Variants in MACROD2 observed in about 807,000 individuals in gnomAD.
MACROD2 encodes ADP-ribose glycohydrolase MACROD2.
In MACROD2, 36 loss-of-function variants were observed where a neutral mutation model predicts 70.4. The observed-to-expected ratio is 0.51, with a 90% confidence interval of 0.39 to 0.68. The LOEUF (loss-of-function observed/expected upper bound fraction) is 0.68, where lower values mean the gene tolerates loss of function less well. Among genes scored for constraint, MACROD2 ranks in the 30% least tolerant of loss-of-function variants. The probability of loss-of-function intolerance (pLI) is 0.00; values close to 1 mark genes in which losing one functional copy is unlikely to be tolerated. For missense variants in MACROD2, 496 were observed against 538.4 expected, an observed-to-expected ratio of 0.92 and a Z score of 0.78; for synonymous variants, 172 against 178.8, an observed-to-expected ratio of 0.96 and a Z score of 0.30.
At chr20:15,775,619 G>T (rs553013895) in intron 8 of MACROD2, among the ~76,000 whole-genome samples, 1 of 152,046 alleles carries the variant, frequency 6.6e-6, no homozygotes, top group Admixed American at 6.6e-5. Context: ...TTTATTTTCC[G>T]TTTACATATG....
chr20:13,995,852 T>TGG lies in MACROD2; in HGVS notation c.46+43_46+44insGG. The TGG allele has an allele frequency of 3.8e-6, 3 of 782,412 alleles. No individual in the cohort carries two copies. Among genetic ancestry groups the TGG allele is most frequent in the Non-Finnish European group, 6.0e-6 (3 of 496,722 alleles). 48.5% of individuals were successfully genotyped at this position (782,412 alleles called of 1,614,324 possible). ...TCCTGGGGGTGCGGGCGGTGGGGGT[T>TGG]AGGGTGGGGGCGGGGGTCAGGCTGT... On this transcript the variant is annotated intron_variant, in intron 1 of 17. Transcript: ENST00000684519. The surrounding 1 kb of genome is among the most constrained non-coding windows in gnomAD (Gnocchi z 4.3).
chr20:15,891,014 G>A (rs1601067959), intron 10 of MACROD2, among the ~76,000 whole-genome samples: 4 of 152,242 alleles, frequency 2.6e-5, no homozygotes, highest in Admixed American at 2.6e-4. Context: ...TATGTTCTTG[G>A]GGATGAGGTG....
At chr20:14,638,459 G>C (rs1984904511) in intron 4 of MACROD2, among the ~76,000 whole-genome samples, 1 of 152,016 alleles carries the variant, frequency 6.6e-6, no homozygotes, top group African/African-American at 2.4e-5. Context: ...GATAGGCCTC[G>C]ACAGGATTAT....
chr20:15,257,568 C>G (rs544834696), intron 6 of MACROD2, among the ~76,000 whole-genome samples: 1 of 151,968 alleles, frequency 6.6e-6, no homozygotes, highest in East Asian at 1.9e-4. Context: ...ATTGATGGTC[C>G]CATGGGATCA....
At chr20:15,127,893 C>A (rs947782872) in intron 5 of MACROD2, among the ~76,000 whole-genome samples, 1 of 152,034 alleles carries the variant, frequency 6.6e-6, no homozygotes, top group Non-Finnish European at 1.5e-5. Context: ...GACAACTAAC[C>A]CACCAACCTC....
chr20:14,668,893 C>A (rs1449372212), intron 4 of MACROD2, among the ~76,000 whole-genome samples: 1 of 151,316 alleles, frequency 6.6e-6, no homozygotes, highest in Non-Finnish European at 1.5e-5. Flanking sequence ...AACTATGAGC[C>A]CTATTGAATA....
At chr20:15,367,465 A>G (rs1228968495) in intron 6 of MACROD2, among the ~76,000 whole-genome samples, 1 of 152,194 alleles carries the variant, frequency 6.6e-6, no homozygotes, top group Non-Finnish European at 1.5e-5. Context: ...CTTCAGTGGT[A>G]TCAATTTGCA....
At chr20:14,320,801 G>A (rs1387225534) in intron 3 of MACROD2, among the ~76,000 whole-genome samples, 2 of 150,854 alleles carry the variant, frequency 1.3e-5, no homozygotes, top group African/African-American at 4.9e-5. Flanking sequence ...AGGTGATTCT[G>A]ACCAAGGCCA....
intron 5 of MACROD2, among the ~76,000 whole-genome samples, chr20:14,960,096 G>A (rs2074570434): frequency 6.6e-6 from 1 of 152,082 alleles, no homozygotes; most frequent in African/African-American, 2.4e-5. Flanking sequence ...AAACTCAAGG[G>A]GTCATATTCC....
chr20:15,712,730 G>A (rs946335487), intron 8 of MACROD2, among the ~76,000 whole-genome samples: 12 of 152,102 alleles, frequency 7.9e-5, no homozygotes, highest in Non-Finnish European at 2.9e-5. Context: ...CCTTGCCTTT[G>A]CAGCATCACT....
intron 5 of MACROD2, among the ~76,000 whole-genome samples, chr20:14,994,646 A>G (rs1306418314): frequency 6.6e-6 from 1 of 152,148 alleles, no homozygotes; most frequent in Non-Finnish European, 1.5e-5. Flanking sequence ...GTAGAGAAAT[A>G]CGAAAATGAA....
At chr20:15,726,769 T>C (rs753434478) in intron 8 of MACROD2, among the ~76,000 whole-genome samples, 4 of 152,162 alleles carry the variant, frequency 2.6e-5, no homozygotes, top group African/African-American at 9.7e-5. Context: ...TACTTTTTAA[T>C]AGAGTTATTT....
At chr20:15,402,225 C>T (rs1022771257) in intron 6 of MACROD2, among the ~76,000 whole-genome samples, 3 of 152,044 alleles carry the variant, frequency 2.0e-5, no homozygotes, top group Admixed American at 2.0e-4. Flanking sequence ...GTGCACACGG[C>T]ATTATAGATA....
At chr20:15,992,366 A>C (rs1376921178) in intron 15 of MACROD2, among the ~76,000 whole-genome samples, 1 of 152,014 alleles carries the variant, frequency 6.6e-6, no homozygotes, top group East Asian at 1.9e-4. Flanking sequence ...TGTCAGGTTT[A>C]TTTCTTCTAA....
rs1490574489 is a variant in MACROD2 at position 14,248,433 on chromosome 20, A to G, written c.271+162705A>G. ...ACGCTGTCTCTACTAAAAATACAAA[A>G]TTAGCCGGGTGTGGTGGCACATGCC... On this transcript the variant is annotated intron_variant, in intron 3 of 17. Transcript: ENST00000684519. Among the ~76,000 whole-genome samples, 3 of 152,248 alleles carry G rather than the reference A, an allele frequency of 2.0e-5. No individual in the cohort carries two copies. In the East Asian group the frequency reaches 5.8e-4, roughly 29 times the overall value.
rs542266949 is a variant in MACROD2, at chr20:15,157,282, A to G, written c.419-72658A>G. On this transcript the variant is annotated intron_variant, in intron 5 of 17. Transcript: ENST00000684519. The stretch of plus-strand genomic sequence containing the variant: ...TGCCTTTTCTCTGATGCATGCTCTC[A>G]GAGAGAAGGGCACTAATCCTATCAT... Among the ~76,000 whole-genome samples, 5 of 151,746 alleles carry G rather than the reference A, an allele frequency of 3.3e-5. No homozygotes were observed. The East Asian group carries it at 9.7e-4, about 29-fold the overall frequency.
intron 8 of MACROD2, among the ~76,000 whole-genome samples, chr20:15,718,012 TTC>T (rs1162655145): frequency 1.4e-5 from 2 of 145,412 alleles, no homozygotes; most frequent in African/African-American, 5.5e-5. Flanking sequence ...TTATTGTGTT[TTC>T]TCTCTTTTTT....
At chr20:15,219,289 C>G (rs1439737379) in intron 5 of MACROD2, among the ~76,000 whole-genome samples, 1 of 152,166 alleles carries the variant, frequency 6.6e-6, no homozygotes, top group Non-Finnish European at 1.5e-5. Context: ...GAAAATAGCT[C>G]TAGTGCACAG....
intron 2 of MACROD2, among the ~76,000 whole-genome samples, chr20:14,018,689 C>G (rs915368715): frequency 4.6e-5 from 7 of 152,120 alleles, no homozygotes; most frequent in African/African-American, 1.4e-4. Flanking sequence ...TGGTCTCATT[C>G]AGTTTATACA....
Sources: gnomAD v4.1 joint callset for allele counts (sites outside exome capture counted in the v4.1 genomes callset) on GRCh38, gnomAD v4.1.1 for gene constraint, Gnocchi (gnomAD v3.1) non-coding constraint, MANE v1.5 for transcripts, NCBI Gene and HGNC (gene_info 2026-07-23, HGNC 2026-07-21) for gene names.